RNF34: variants seen among roughly 807,000 people sequenced by gnomAD.
The protein encoded by RNF34 is ring finger protein 34, also known as E3 ubiquitin-protein ligase RNF34.
A neutral mutation model predicts 37.9 loss-of-function variants in RNF34; 12 were observed. The observed-to-expected ratio is 0.32, with a 90% CI of 0.20 to 0.51. RNF34 has a LOEUF of 0.51. Among genes scored for constraint, RNF34 ranks in the 20% least tolerant of loss-of-function variants. The pLI is 0.97. For missense variants in RNF34, 362 were observed against 472.7 expected (o/e 0.77, Z 2.17); for synonymous variants, 155 against 177.2 (o/e 0.87, Z 1.00).
intron 1 of RNF34, chr12:121,405,247 G>C (rs1230915522): frequency 6.6e-6 from 1 of 152,172 alleles, no homozygotes; most frequent in African/African-American, 2.4e-5. Context: ...GGAAAAAGAG[G>C]GACTTGAATA....
intron 1 of RNF34, among the ~76,000 whole-genome samples, chr12:121,411,387 T>G (rs927682850): frequency 2.0e-5 from 3 of 152,212 alleles, no homozygotes; most frequent in Non-Finnish European, 4.4e-5. Flanking sequence ...AGAATCCATC[T>G]GTTTTCCCAA....
intron 1 of RNF34, among the ~76,000 whole-genome samples, chr12:121,410,157 A>G (rs1266932061): frequency 3.3e-5 from 5 of 151,844 alleles, no homozygotes; most frequent in Non-Finnish European, 7.4e-5. Flanking sequence ...TCCGTCTCAA[A>G]AAAAAAGAAA....
intron 1 of RNF34, among the ~76,000 whole-genome samples, chr12:121,403,396 CAA>C (rs1249703308): frequency 1.2e-5 from 1 of 84,568 alleles, no homozygotes; most frequent in Admixed American, 1.4e-4. Flanking sequence ...ACTCTGTCTC[CAA>C]AAAAAAAAAC....
At chr12:121,413,822 G>A (rs1262205089) in intron 1 of RNF34, among the ~76,000 whole-genome samples, 5 of 151,692 alleles carry the variant, frequency 3.3e-5, no homozygotes, top group African/African-American at 9.7e-5. Flanking sequence ...TGATCCACCC[G>A]CCTCAGCCTC....
At chr12:121,414,813 G>C (rs1555281906) in intron 1 of RNF34, among the ~76,000 whole-genome samples, 1 of 152,254 alleles carries the variant, frequency 6.6e-6, no homozygotes, top group Non-Finnish European at 1.5e-5. Flanking sequence ...AAGCTGGGAG[G>C]CTGGGCACGG....
chr12:121,419,534 G>A (rs1376627171), intron 3 of RNF34, among the ~76,000 whole-genome samples: 1 of 151,454 alleles, frequency 6.6e-6, no homozygotes, highest in African/African-American at 2.4e-5. Flanking sequence ...CACCATTTGG[G>A]TGATGTGGAT....
chr12:121,414,343 CTTTTA>C, intron 1 of RNF34, among the ~76,000 whole-genome samples: 1 of 152,326 alleles, frequency 6.6e-6, no homozygotes, highest in African/African-American at 2.4e-5. Flanking sequence ...AACACTATAG[CTTTTA>C]TTTTAAGCAT....
At chr12:121,416,484 A>G in intron 2 of RNF34, 107 bp downstream of exon 2, 1 of 809,134 alleles carries the variant, frequency 1.2e-6, no homozygotes, top group Non-Finnish European at 2.0e-6. Flanking sequence ...AAAAATATCA[A>G]AAGCTTAGTT....
chr12:121,402,919 A>G (rs1555280196), intron 1 of RNF34: 2 of 748,424 alleles, frequency 2.7e-6, no homozygotes, highest in African/African-American at 1.7e-5. Context: ...CAACCTGCTT[A>G]ATGTCCAAAT....
chr12:121,418,594 G>A (rs1555282697), intron 3 of RNF34: 2 of 152,342 alleles, frequency 1.3e-5, no homozygotes, highest in East Asian at 3.8e-4. Context: ...GGTGGTGTGA[G>A]CCTGCAGTCT....
chr12:121,411,503 T>C (rs58583717), intron 1 of RNF34, among the ~76,000 whole-genome samples: 29,063 of 152,196 alleles, frequency 0.19, 4,297 homozygotes, highest in African/African-American at 0.41. Flanking sequence ...AAAATTGTAT[T>C]CTTCCCTAAT....
chr12:121,414,168 T>A lies in RNF34; in HGVS notation c.7-1991T>A, dbSNP rs531846866. 7.3e-3 allele frequency among the ~76,000 whole-genome samples: 1,115 copies of A among 152,364 alleles called. 41 individuals carry two copies. Among genetic ancestry groups the A allele is most frequent in the Admixed American group, 0.057 (870 of 15,308 alleles). ...CAGTCCAGCATTTTACATGCTATTA[T>A]AAAATGTTTGACAGAATCAGATAAT... On this transcript the variant is annotated intron_variant, in intron 1 of 5. Coordinates refer to ENST00000361234, the MANE Select transcript of RNF34 (RefSeq NM_025126.4).
chr12:121,402,984 G>C (rs868931550), intron 1 of RNF34, among the ~76,000 whole-genome samples: 1 of 152,098 alleles, frequency 6.6e-6, no homozygotes, highest in Non-Finnish European at 1.5e-5. Flanking sequence ...GTATATGGTC[G>C]GATATTTGGT....
chr12:121,419,054 T>C (rs1871846855), intron 3 of RNF34, among the ~76,000 whole-genome samples: 1 of 152,208 alleles, frequency 6.6e-6, no homozygotes, highest in South Asian at 2.1e-4. Context: ...AAATTTGGTC[T>C]AATTGCCTTC....
Position 121,423,210 on chromosome 12 carries a change from T to C in RNF34, c.929-176T>C, listed in dbSNP as rs902629432. Reference sequence around the variant, plus strand: ...GAGGTATAGCTTTTATCATTGCCATTTCTAGTGGAGAGAACCAAAGTGCAG... The same window carrying C: ...GAGGTATAGCTTTTATCATTGCCATCTCTAGTGGAGAGAACCAAAGTGCAG... On this transcript the variant is annotated intron_variant, in intron 5 of 5. Transcript: ENST00000361234. This position sits in a 1 kb window ranked among gnomAD's most constrained non-coding sequence, Gnocchi z 4.3. Among the ~76,000 whole-genome samples, 23 of 152,340 alleles carry C rather than the reference T, an allele frequency of 1.5e-4. No homozygotes were observed. Among genetic ancestry groups the C allele is most frequent in the Middle Eastern group, 3.4e-3 (1 of 294 alleles).
At chr12:121,400,307 G>A (rs1869846625) in intron 1 of RNF34, 89 bp downstream of exon 1, 2 of 1,472,288 alleles carry the variant, frequency 1.4e-6, no homozygotes, top group Admixed American at 4.1e-5. Flanking sequence ...CCGCCTTAGC[G>A]GTTACCTAGT....
At position 121,421,371 on chromosome 12, in the gene RNF34, T is replaced by TACAAA. The variant is rs35925457; in HGVS notation, c.928+594_928+595insCAAAA. On this transcript the variant is annotated intron_variant, in intron 5 of 5. Transcript: ENST00000361234. ...GGGCAACATAGAGAGATCCCATCTC[T>TACAAA]AAAAAAAAAAAAAAAAAAAAAAAAA... Among the ~76,000 whole-genome samples, 181 of 46,358 alleles carry TACAAA rather than the reference T, an allele frequency of 3.9e-3. 20 individuals carry two copies. The highest frequency in any genetic ancestry group is 0.011 in the African/African-American group (164 of 14,716). The allele number at this position is 46,358 out of a possible 152,430, so 30.4% of individuals were successfully genotyped here. A position where few individuals can be genotyped will look rare whatever the true frequency, so the allele number is the denominator to read the frequency against.
intron 3 of RNF34, 35 bp from the exon 4 acceptor site, chr12:121,420,207 T>A (rs1476413358): frequency 6.3e-7 from 1 of 1,599,500 alleles, no homozygotes; most frequent in Admixed American, 1.7e-5. Context: ...TACAGATTGA[T>A]TCCTGACCTA....
chr12:121,423,606 C>T lies in RNF34; in HGVS notation c.*30C>T. On this transcript the variant is annotated 3_prime_UTR_variant, in exon 6 of 6. Transcript: ENST00000361234. This position sits in a 1 kb window ranked among gnomAD's most constrained non-coding sequence, Gnocchi z 4.3. The stretch of plus-strand genomic sequence containing the variant: ...GGCTCCCCTCACCAGGACAGTCACC[C>T]CCAAACTTGACCCCCAACATTTCAA... 6.3e-7 allele frequency: 1 copy of T among 1,590,792 alleles called. No homozygotes were observed. Among genetic ancestry groups the T allele is most frequent in the South Asian group, 1.1e-5 (1 of 89,166 alleles).
Sources: allele counts gnomAD v4.1 joint callset (sites outside exome capture counted in the v4.1 genomes callset), GRCh38; gene constraint gnomAD v4.1.1; non-coding constraint Gnocchi (gnomAD v3.1); transcripts MANE v1.5; gene names NCBI Gene and HGNC (gene_info 2026-07-23, HGNC 2026-07-21).